TRIM2: variants seen among roughly 807,000 people sequenced by gnomAD.
The protein encoded by TRIM2 is tripartite motif containing 2.
TRIM2 carries 20 observed loss-of-function variants against 75.2 expected under a neutral mutation model. That is an observed-to-expected ratio of 0.27 (90% CI 0.19 to 0.39). The LOEUF (loss-of-function observed/expected upper bound fraction) is 0.39. TRIM2 is among the 10% of genes least tolerant of loss of function. The pLI, the probability that TRIM2 is intolerant of heterozygous loss-of-function variation, is 1.00. For missense variants in TRIM2, 660 were observed against 990.8 expected (o/e 0.67, Z 4.48); for synonymous variants, 373 against 388.3 (o/e 0.96, Z 0.46).
At chr4:153,284,144 G>A (rs951066043) in intron 3 of TRIM2, among the ~76,000 whole-genome samples, 46 of 151,574 alleles carry the variant, frequency 3.0e-4, no homozygotes, top group Non-Finnish European at 6.5e-4. Context: ...CTCCCAAAGT[G>A]CTGGGATTAC....
intron 1 of TRIM2, among the ~76,000 whole-genome samples, chr4:153,174,734 C>T (rs1043845722): frequency 3.3e-5 from 5 of 152,200 alleles, no homozygotes; most frequent in African/African-American, 1.2e-4. Context: ...AACTCAGTGA[C>T]GCTAGAGAGA....
chr4:153,230,702 G>A (rs1743390911), intron 1 of TRIM2, among the ~76,000 whole-genome samples: 1 of 152,164 alleles, frequency 6.6e-6, no homozygotes. Flanking sequence ...AGATAACCCT[G>A]TTGACCCACC....
rs917258633 is a variant in TRIM2, at chr4:153,229,536, G to A, written c.30+24976G>A. Among the ~76,000 whole-genome samples, 3 of 152,184 alleles carry A rather than the reference G, an allele frequency of 2.0e-5. No individual in the cohort carries two copies. In the East Asian group the frequency reaches 5.8e-4, roughly 29 times the overall value. ...GCCTCCCAAAGTGCTGGGATTACAG[G>A]CATGAGCCATCGCACCTGGCCAGAT... On this transcript the variant is annotated intron_variant, in intron 1 of 11. Coordinates refer to ENST00000338700, the MANE Select transcript of TRIM2 (RefSeq NM_015271.5).
At chr4:153,217,547 A>G (rs1738817571) in intron 1 of TRIM2, among the ~76,000 whole-genome samples, 1 of 152,188 alleles carries the variant, frequency 6.6e-6, no homozygotes, top group Non-Finnish European at 1.5e-5. Flanking sequence ...TAAAACCAGC[A>G]CTTAAAAAAG....
intron 8 of TRIM2, among the ~76,000 whole-genome samples, chr4:153,316,438 T>C (rs191322387): frequency 6.6e-6 from 1 of 152,206 alleles, no homozygotes; most frequent in African/African-American, 2.4e-5. Flanking sequence ...AAAAATAGTT[T>C]CCACCTTTTA....
intron 1 of TRIM2, among the ~76,000 whole-genome samples, chr4:153,263,877 C>T (rs1425733708): frequency 6.6e-6 from 1 of 152,120 alleles, no homozygotes; most frequent in African/African-American, 2.4e-5. Context: ...TCTCCTCTTA[C>T]AGGGGCACTA....
intron 1 of TRIM2, among the ~76,000 whole-genome samples, chr4:153,210,150 C>T (rs984448549): frequency 1.4e-5 from 2 of 142,918 alleles, no homozygotes; most frequent in South Asian, 2.3e-4. Context: ...CTGCAACTTT[C>T]ACCTCCCAGG....
At chr4:153,153,596 C>G (rs1183164015) in intron 1 of TRIM2, among the ~76,000 whole-genome samples, 1 of 152,264 alleles carries the variant, frequency 6.6e-6, no homozygotes, top group East Asian at 1.9e-4. Context: ...GTCCCGCCCC[C>G]GATCTTTCCG....
chr4:153,285,358 T>A lies in TRIM2; in HGVS notation c.454-7624T>A, dbSNP rs185632265. On this transcript the variant is annotated intron_variant, in intron 3 of 11. Transcript: ENST00000338700. ...TGTAGCATTATAGTCAGTTTTGAAATTGGTAACTATGAGTCCTCCAATTTT... is the reference window on the plus strand; with the variant it reads ...TGTAGCATTATAGTCAGTTTTGAAAATGGTAACTATGAGTCCTCCAATTTT... Among the ~76,000 whole-genome samples, 1,424 of 152,354 alleles carry A rather than the reference T, an allele frequency of 9.3e-3. 6 individuals carry two copies. The highest frequency in any genetic ancestry group is 0.02 in the Middle Eastern group (6 of 294).
chr4:153,286,632 T>C (rs191063682), intron 3 of TRIM2, among the ~76,000 whole-genome samples: 3 of 152,256 alleles, frequency 2.0e-5, no homozygotes, highest in Admixed American at 2.0e-4. Context: ...CAGTATTCTG[T>C]TATAATCCTT....
In TRIM2 at chr4:153,295,681, C is replaced by T. The variant is rs561297159; in HGVS notation, c.1155C>T (p.Cys385=). The part of the protein sequence containing the change: ...ITTKDKDGEL[C]KTGNAYLTAE... Reference sequence around the variant, plus strand: ...CCAAGGACAAAGACGGTGAGCTGTGCAAAACCGGCAACGCCTACCTCACCG... The same window carrying T: ...CCAAGGACAAAGACGGTGAGCTGTGTAAAACCGGCAACGCCTACCTCACCG... The change falls in exon 6 of 12, where the codon TGC becomes TGT. Residue 385 remains cysteine, a synonymous_variant. Coordinates refer to ENST00000338700, the MANE Select transcript of TRIM2 (RefSeq NM_015271.5). The surrounding 1 kb of genome is among the most constrained non-coding windows in gnomAD (Gnocchi z 7.2). 111 of 1,613,950 alleles carry T rather than the reference C, an allele frequency of 6.9e-5. No homozygotes were observed. In the South Asian group the frequency reaches 1.1e-3, roughly 16 times the overall value.
At chr4:153,164,884 T>C (rs947611838) in intron 1 of TRIM2, among the ~76,000 whole-genome samples, 2 of 152,226 alleles carry the variant, frequency 1.3e-5, no homozygotes, top group Non-Finnish European at 2.9e-5. Context: ...TAGTTTACTA[T>C]AGTTGTGTTT....
intron 1 of TRIM2, among the ~76,000 whole-genome samples, chr4:153,186,359 G>A (rs1732594847): frequency 6.6e-6 from 1 of 152,152 alleles, no homozygotes; most frequent in Non-Finnish European, 1.5e-5. Flanking sequence ...GATTAAAGGT[G>A]GGATGTGAAT....
chr4:153,213,202 G>T (rs974142526), intron 1 of TRIM2, among the ~76,000 whole-genome samples: 2 of 152,158 alleles, frequency 1.3e-5, no homozygotes, highest in Non-Finnish European at 1.5e-5. Flanking sequence ...TGAGAAAATT[G>T]TCCCAAGCCG....
intron 1 of TRIM2, among the ~76,000 whole-genome samples, chr4:153,260,285 A>T (rs1323049788): frequency 5.3e-5 from 8 of 151,988 alleles, no homozygotes; most frequent in African/African-American, 1.9e-4. Flanking sequence ...TGGCAAAGTG[A>T]TGGGTGTGGA....
At chr4:153,173,163 T>TA (rs1560784859) in intron 1 of TRIM2, among the ~76,000 whole-genome samples, 1 of 152,198 alleles carries the variant, frequency 6.6e-6, no homozygotes, top group East Asian at 1.9e-4. Context: ...ACTCAAGGCT[T>TA]AGGGGTTGAG....
Position 153,339,215 on chromosome 4 carries a change from T to C in TRIM2, c.*4249T>C, listed in dbSNP as rs1459867918. ...TGGATGCTTTAGTCTACAATGAAAC[T>C]TTCAATTAATTCTGTCTTGAAACAT... On this transcript the variant is annotated 3_prime_UTR_variant, in exon 12 of 12. Transcript: ENST00000338700. 2.0e-6 allele frequency: 2 copies of C among 984,964 alleles called. No homozygotes were observed. The highest frequency in any genetic ancestry group is 6.1e-5 in the Admixed American group (1 of 16,270). 61.0% of individuals were successfully genotyped at this position (984,964 alleles called of 1,614,324 possible).
chr4:153,257,327 C>T (rs1474782007), intron 1 of TRIM2: 3 of 879,804 alleles, frequency 3.4e-6, no homozygotes, highest in Non-Finnish European at 4.2e-6. Context: ...AATCTCATTG[C>T]AGCTCGCTGC....
At position 153,295,404 on chromosome 4, in the gene TRIM2, C is replaced by G; in HGVS notation, c.878C>G (p.Thr293Arg). 6.2e-7 allele frequency: 1 copy of G among 1,614,072 alleles called. No homozygotes were observed. Among genetic ancestry groups the G allele is most frequent in the African/African-American group, 1.3e-5 (1 of 75,032 alleles). Residue 293 changes from threonine (T) to arginine (R), a missense_variant, in exon 6 of 12, where the codon ACG becomes AGG. Physicochemically the swap from Thr to Arg is moderately conservative, Grantham distance 71 (BLOSUM62 -1). This residue lies in a region of TRIM2 where 620 missense variants were observed against 891.0 expected (regional missense o/e 0.70). Transcript: ENST00000338700. This position sits in a 1 kb window ranked among gnomAD's most constrained non-coding sequence, Gnocchi z 7.2. ...NFTAQALNHG[T>R]ETEVLLVKKQ... is the part of the protein sequence containing the mutation. ...ACAGCGCAGGCCCTCAACCATGGCACGGAGACCGAGGTCCTACTGGTGAAG... is the reference window on the plus strand; with the variant it reads ...ACAGCGCAGGCCCTCAACCATGGCAGGGAGACCGAGGTCCTACTGGTGAAG...
Sources: gnomAD v4.1 joint callset for allele counts (sites outside exome capture counted in the v4.1 genomes callset) on GRCh38, gnomAD v4.1.1 for gene constraint, gnomAD v4.1.1 regional missense constraint, Gnocchi (gnomAD v3.1) non-coding constraint, MANE v1.5 for transcripts, NCBI Gene and HGNC (gene_info 2026-07-23, HGNC 2026-07-21) for gene names.